Variants in TTLL8 observed in about 807,000 individuals in gnomAD.
The protein encoded by TTLL8 is tubulin tyrosine ligase like 8, also known as protein monoglycylase TTLL8.
TTLL8 carries 65 observed loss-of-function variants against 77.8 expected under a neutral mutation model. The ratio of observed to expected loss-of-function variants is 0.84; its 90% CI spans 0.68 to 1.03. The LOEUF is 1.03. Among genes scored for constraint, TTLL8 ranks in the 50% least tolerant of loss-of-function variants. The probability of loss-of-function intolerance (pLI) is 0.00; values close to 1 mark genes in which losing one functional copy is unlikely to be tolerated. For synonymous variants in TTLL8, 402 were observed against 422.8 expected (o/e 0.95, Z 0.60); for missense variants, 910 against 1,004.5 (o/e 0.91, Z 1.27).
At chr22:50,027,997 C>G (rs913072434) in intron 12 of TTLL8, among the ~76,000 whole-genome samples, 1 of 152,220 alleles carries the variant, frequency 6.6e-6, no homozygotes, top group African/African-American at 2.4e-5. Flanking sequence ...CACGTGGTGT[C>G]GGCTTTGGAA....
chr22:50,057,713 T>G, upstream of TTLL8, among the ~76,000 whole-genome samples: 1 of 109,528 alleles, frequency 9.1e-6, no homozygotes, highest in African/African-American at 3.8e-5. Context: ...AGGTCTGGGT[T>G]GGGGGTCAGG....
chr22:50,025,185 G>A (rs767832992), intron 12 of TTLL8, among the ~76,000 whole-genome samples: 10 of 149,646 alleles, frequency 6.7e-5, no homozygotes, highest in African/African-American at 1.5e-4. Flanking sequence ...ATTACATACC[G>A]CATGCCTGCA....
At position 50,033,544 on chromosome 22, in the gene TTLL8, C is replaced by T. The variant is rs2061314393; in HGVS notation, c.1040-99G>A. 4.5e-6 allele frequency: 5 copies of T among 1,102,480 alleles called. No homozygotes were observed. The Admixed American group carries it at 1.2e-4, about 27-fold the overall frequency. 68.3% of individuals were successfully genotyped at this position (1,102,480 alleles called of 1,614,324 possible). A position where few individuals can be genotyped will look rare whatever the true frequency, so the allele number is the denominator to read the frequency against. ...CAGGGTCGCAGCTTGGCCCTGAGAC[C>T]TGCACTGGCTTTGTCCAAGGCCAGC... On this transcript the variant is annotated intron_variant, in intron 9 of 13. Transcript: ENST00000266182.
intron 12 of TTLL8, among the ~76,000 whole-genome samples, chr22:50,021,090 C>T (rs2061195127): frequency 6.6e-6 from 1 of 150,444 alleles, no homozygotes; most frequent in Non-Finnish European, 1.5e-5. Flanking sequence ...ATGATGTGCA[C>T]TCCTCCATCT....
At chr22:50,027,774 G>C in intron 12 of TTLL8, 1 of 985,436 alleles carries the variant, frequency 1.0e-6, no homozygotes, top group Non-Finnish European at 1.2e-6. Flanking sequence ...CACACCAGGC[G>C]AGCACTAGCC....
chr22:50,035,736 T>G (rs1360035209), intron 8 of TTLL8, among the ~76,000 whole-genome samples: 1 of 152,226 alleles, frequency 6.6e-6, no homozygotes, highest in Non-Finnish European at 1.5e-5. Flanking sequence ...GTCCACCATG[T>G]TGGTCACTGC....
At chr22:50,035,995 G>A (rs1386835072) in intron 8 of TTLL8, among the ~76,000 whole-genome samples, 1 of 152,238 alleles carries the variant, frequency 6.6e-6, no homozygotes, top group Non-Finnish European at 1.5e-5. Flanking sequence ...CTGCTCAGGA[G>A]CCCAGCGGAG....
intron 4 of TTLL8, among the ~76,000 whole-genome samples, chr22:50,046,407 C>T (rs186002530): frequency 9.8e-5 from 15 of 152,348 alleles, no homozygotes; most frequent in Non-Finnish European, 2.1e-4. Flanking sequence ...AGGTAGCACG[C>T]GCCATTAGAG....
At chr22:50,036,844 C>G (rs1278939795) in intron 8 of TTLL8, among the ~76,000 whole-genome samples, 1 of 152,140 alleles carries the variant, frequency 6.6e-6, no homozygotes, top group South Asian at 2.1e-4. Flanking sequence ...GTGATCCCCC[C>G]GCCTCGGCCT....
intron 1 of TTLL8, among the ~76,000 whole-genome samples, chr22:50,052,146 C>T (rs1169026720): frequency 6.6e-6 from 1 of 151,162 alleles, no homozygotes; most frequent in Non-Finnish European, 1.5e-5. Context: ...CTCCGATAAT[C>T]AGTCTGAGGC....
upstream of TTLL8, among the ~76,000 whole-genome samples, chr22:50,055,790 G>A (rs907213493): frequency 5.3e-5 from 8 of 152,154 alleles, no homozygotes; most frequent in African/African-American, 1.4e-4. Context: ...GGGTGTGGCC[G>A]GAGATTGGTC....
At chr22:50,021,785 TGAC>T (rs1176959082) in intron 12 of TTLL8, among the ~76,000 whole-genome samples, 4 of 132,578 alleles carry the variant, frequency 3.0e-5, no homozygotes, top group South Asian at 2.8e-4. Flanking sequence ...CTCCTCCATC[TGAC>T]GACGTGCACT....
At chr22:50,037,077 A>G (rs1207891665) in intron 8 of TTLL8, among the ~76,000 whole-genome samples, 3 of 152,230 alleles carry the variant, frequency 2.0e-5, no homozygotes, top group Non-Finnish European at 4.4e-5. Context: ...GCCATTGGGT[A>G]TGTAGATGCC....
chr22:50,030,065 G>C (rs139110199), intron 12 of TTLL8: 1 of 747,936 alleles, frequency 1.3e-6, no homozygotes, highest in Non-Finnish European at 1.6e-6. Context: ...CCCCTCGCTC[G>C]GCCAGGGAGC....
At chr22:50,030,905 TGGG>T (rs2061285901) in exon 12 of TTLL8, 1 of 1,320,626 alleles carries the variant, frequency 7.6e-7, no homozygotes, top group Non-Finnish European at 9.9e-7. Flanking sequence ...ACCCGCTGAA[TGGG>T]GGCGGCTCAA....
rs2061179979 is a variant in TTLL8 at position 50,018,807 on chromosome 22, A to G, written c.2204-2245T>C. On this transcript the variant is annotated intron_variant, in intron 12 of 13. Transcript: ENST00000266182. ...TGTCATGAACCTGTGTGGAAAAGAT[A>G]TTGACAGACCAAAAGCTCATCCGAA... is the stretch of plus-strand genomic sequence containing the variant. Among the ~76,000 whole-genome samples, 1 of 152,226 alleles carries G rather than the reference A, an allele frequency of 6.6e-6. No individual in the cohort carries two copies. The highest frequency in any genetic ancestry group is 1.5e-5 in the Non-Finnish European group (1 of 68,042).
chr22:50,054,023 C>T (rs1051697025), intron 1 of TTLL8, among the ~76,000 whole-genome samples: 6 of 151,978 alleles, frequency 3.9e-5, no homozygotes, highest in African/African-American at 1.2e-4. Context: ...TATTTGTACA[C>T]GTTCTGCTCT....
At position 50,033,189 on chromosome 22, in the gene TTLL8, C is replaced by A; in HGVS notation, c.1283+13G>T. The A allele has an allele frequency of 7.6e-7, 1 of 1,309,882 alleles. No homozygotes were observed. Among genetic ancestry groups the A allele is most frequent in the East Asian group, 4.9e-5 (1 of 20,450 alleles). 81.1% of individuals were successfully genotyped at this position (1,309,882 alleles called of 1,614,324 possible). On this transcript the variant is annotated intron_variant, in intron 10 of 13. Coordinates refer to ENST00000266182, the Ensembl canonical transcript of TTLL8. ...CCCTGGCCCGAGGTGTCCAGGTCGC[C>A]CACCGCACTGACCTGTCCAGCTTGT...
intron 8 of TTLL8, among the ~76,000 whole-genome samples, chr22:50,036,857 T>A (rs2061340392): frequency 1.3e-5 from 2 of 152,060 alleles, no homozygotes; most frequent in South Asian, 4.1e-4. Context: ...CTCGGCCTCC[T>A]TAACTGCTGG....
Sources: allele counts gnomAD v4.1 joint callset (sites outside exome capture counted in the v4.1 genomes callset), GRCh38; gene constraint gnomAD v4.1.1; transcripts MANE v1.5; gene names NCBI Gene and HGNC (gene_info 2026-07-23, HGNC 2026-07-21).